Variants in ETF1 observed in about 807,000 individuals in gnomAD.
The protein encoded by ETF1 is eukaryotic translation termination factor 1.
In ETF1, 4 loss-of-function variants were observed where a neutral mutation model predicts 55.1. That is an observed-to-expected ratio of 0.07 (90% CI 0.04 to 0.17). ETF1 has a LOEUF of 0.17. Ranked by LOEUF, ETF1 falls within the 10% of genes least tolerant of loss-of-function variation. ETF1 has a pLI of 1.00. For missense variants in ETF1, 142 were observed against 523.6 expected (o/e 0.27, Z 7.11); for synonymous variants, 157 against 182.3 (o/e 0.86, Z 1.12).
chr5:138,509,817 C>T (rs1173782491), intron 9 of ETF1, among the ~76,000 whole-genome samples: 1 of 146,550 alleles, frequency 6.8e-6, no homozygotes, highest in Non-Finnish European at 1.5e-5. Flanking sequence ...ATTGCTTGAA[C>T]TCGGGAGGTG....
intron 2 of ETF1, among the ~76,000 whole-genome samples, chr5:138,531,729 C>T (rs1395874537): frequency 6.6e-6 from 1 of 152,134 alleles, no homozygotes; most frequent in Non-Finnish European, 1.5e-5. Flanking sequence ...CCCATCTGTG[C>T]CTGCCTCACA....
chr5:138,511,389 TACACACACACACATACACACACAC>T (rs201399642), intron 7 of ETF1, 62 bp downstream of exon 7: 6 of 1,411,898 alleles, frequency 4.2e-6, no homozygotes, highest in Non-Finnish European at 5.6e-6. Context: ...ATCACGTACA[TACACACACACACATACACACACAC>T]ACACACACAC....
At chr5:138,518,984 C>T (rs1285680495) in intron 2 of ETF1, 117 bp from the exon 3 acceptor site, 1 of 1,521,014 alleles carries the variant, frequency 6.6e-7, no homozygotes, top group Admixed American at 2.1e-5. Flanking sequence ...ACAGGTCACT[C>T]TCAAAGGAGT....
At position 138,508,119 on chromosome 5, in the gene ETF1, C is replaced by G; in HGVS notation, c.*186G>C. The G allele has an allele frequency of 1.5e-6, 1 of 687,750 alleles. No individual in the cohort carries two copies. The highest frequency in any genetic ancestry group is 2.9e-5 in the East Asian group (1 of 34,444). 42.6% of individuals were successfully genotyped at this position (687,750 alleles called of 1,614,324 possible). A position where few individuals can be genotyped will look rare whatever the true frequency, so the allele number is the denominator to read the frequency against. ...GTAGGCTGCTGCGCTGACACCATGA[C>G]AAACCAAAGTGTAGGGCTGGGTCTG... is the stretch of plus-strand genomic sequence containing the variant. On this transcript the variant is annotated 3_prime_UTR_variant, in exon 11 of 11. Coordinates refer to ENST00000360541, the MANE Select transcript of ETF1 (RefSeq NM_004730.4).
chr5:138,518,362 C>T (rs1765107180), intron 3 of ETF1, among the ~76,000 whole-genome samples: 1 of 152,038 alleles, frequency 6.6e-6, no homozygotes, highest in Non-Finnish European at 1.5e-5. Context: ...AGGTGTGTGC[C>T]ACCAGGCCTG....
chr5:138,526,747 C>T (rs1765489493), intron 2 of ETF1, among the ~76,000 whole-genome samples: 1 of 152,010 alleles, frequency 6.6e-6, no homozygotes, highest in African/African-American at 2.4e-5. Context: ...GCTGCCCAGG[C>T]TGGAGTGCAG....
At chr5:138,510,770 C>A (rs1764743958) in intron 8 of ETF1, 141 bp from the exon 9 acceptor site, 3 of 1,234,142 alleles carry the variant, frequency 2.4e-6, no homozygotes, top group Non-Finnish European at 3.3e-6. Context: ...TTAGCATACA[C>A]TGAGTGTCTA....
Position 138,542,659 on chromosome 5 carries a change from T to C in ETF1, c.86+174A>G, listed in dbSNP as rs1239530820. On this transcript the variant is annotated intron_variant, in intron 2 of 10. Coordinates refer to ENST00000360541, the MANE Select transcript of ETF1 (RefSeq NM_004730.4). ...CCCCATGCGGGGAAAGGACCCCTTCTCGGGCCAACCGCGCCGACCCTCGCC... is the reference window on the plus strand; with the variant it reads ...CCCCATGCGGGGAAAGGACCCCTTCCCGGGCCAACCGCGCCGACCCTCGCC... The C allele has an allele frequency of 5.6e-6, 8 of 1,434,888 alleles. No homozygotes were observed. In the African/African-American group the frequency reaches 1.2e-4, roughly 21 times the overall value. The allele number at this position is 1,434,888 out of a possible 1,614,324, so 88.9% of individuals were successfully genotyped here.
chr5:138,511,322 T>C, intron 7 of ETF1, 122 bp from the exon 8 acceptor site: 1 of 1,513,650 alleles, frequency 6.6e-7, no homozygotes, highest in South Asian at 1.3e-5. Flanking sequence ...GCAAAAGAGT[T>C]AATAAAAATA....
chr5:138,512,254 A>AT (rs1452012959), intron 6 of ETF1, among the ~76,000 whole-genome samples: 7 of 17,914 alleles, frequency 3.9e-4, no homozygotes, highest in African/African-American at 1.7e-3. Context: ...ATATATATAT[A>AT]TATATTTTTT....
chr5:138,514,024 T>C (rs560481365), intron 4 of ETF1: 1 of 578,664 alleles, frequency 1.7e-6, no homozygotes, highest in Non-Finnish European at 2.2e-6. Flanking sequence ...CAGTTAATAC[T>C]ACTCAATCTC....
At chr5:138,538,512 C>T (rs185734402) in intron 2 of ETF1, among the ~76,000 whole-genome samples, 1 of 152,222 alleles carries the variant, frequency 6.6e-6, no homozygotes, top group East Asian at 1.9e-4. Context: ...ATTAATTTGT[C>T]TAACCAACAG....
At chr5:138,508,497 A>G (rs759968319) in intron 10 of ETF1, 110 bp from the exon 11 acceptor site, 69 of 1,565,840 alleles carry the variant, frequency 4.4e-5, no homozygotes, top group Non-Finnish European at 5.3e-5. Flanking sequence ...AATTGCAGAA[A>G]GCAAAGAGGT....
intron 2 of ETF1, among the ~76,000 whole-genome samples, chr5:138,536,592 G>T (rs915226487): frequency 2.6e-5 from 4 of 152,098 alleles, no homozygotes; most frequent in African/African-American, 9.7e-5. Flanking sequence ...CCTACAGAAT[G>T]TATCCTAGGA....
intron 2 of ETF1, among the ~76,000 whole-genome samples, chr5:138,531,301 C>T (rs1765689952): frequency 6.6e-6 from 1 of 152,072 alleles, no homozygotes; most frequent in Non-Finnish European, 1.5e-5. Flanking sequence ...TGTTCCTCCC[C>T]AACAAAGGAT....
chr5:138,516,304 A>C (rs1306224590), intron 4 of ETF1, among the ~76,000 whole-genome samples: 1 of 152,144 alleles, frequency 6.6e-6, no homozygotes, highest in African/African-American at 2.4e-5. Context: ...GATAGCTCAC[A>C]TTGCATGCCT....
At chr5:138,532,593 T>C (rs530034413) in intron 2 of ETF1, among the ~76,000 whole-genome samples, 1 of 152,284 alleles carries the variant, frequency 6.6e-6, no homozygotes, top group Admixed American at 6.5e-5. Flanking sequence ...AGAGAGGTAA[T>C]ATCAGATGGG....
intron 2 of ETF1, among the ~76,000 whole-genome samples, chr5:138,530,233 G>A (rs915344776): frequency 1.3e-4 from 20 of 152,142 alleles, no homozygotes; most frequent in African/African-American, 4.8e-4. Context: ...GGGAGAGTGA[G>A]GGTGGTGATG....
intron 2 of ETF1, among the ~76,000 whole-genome samples, chr5:138,535,537 T>C (rs1233140035): frequency 6.6e-6 from 1 of 151,682 alleles, no homozygotes; most frequent in Non-Finnish European, 1.5e-5. Context: ...TTTGCCAACA[T>C]GGCAAAACTC....
Sources: allele counts gnomAD v4.1 joint callset (sites outside exome capture counted in the v4.1 genomes callset), GRCh38; gene constraint gnomAD v4.1.1; transcripts MANE v1.5; gene names NCBI Gene and HGNC (gene_info 2026-07-23, HGNC 2026-07-21).